Variants in ZNF362 observed in about 807,000 individuals in gnomAD.
ZNF362 encodes rotund homolog.
ZNF362 carries 11 observed loss-of-function variants against 42.9 expected under a neutral mutation model. That is an observed-to-expected ratio of 0.26 (90% confidence interval 0.16 to 0.42). The LOEUF (loss-of-function observed/expected upper bound fraction) is 0.42. Among genes scored for constraint, ZNF362 ranks in the 20% least tolerant of loss-of-function variants. ZNF362 has a pLI of 1.00. For synonymous variants in ZNF362, 255 were observed against 257.3 expected (o/e 0.99, Z 0.09); for missense variants, 362 against 576.2 (o/e 0.63, Z 3.81).
chr1:33,153,791 G>A, the ZNF362 span, among the ~76,000 whole-genome samples: 3 of 152,146 alleles, frequency 2.0e-5, no homozygotes, highest in African/African-American at 7.2e-5. Flanking sequence ...TTTTATTGAG[G>A]CGCTATTCTA....
rs933950451 is a variant in ZNF362 at position 33,276,628 on chromosome 1, G to A, written c.349+34G>A. ...AGCGGGCGGGGCCGGCGGGGCCGGTGAGGACTGGGCAGGAGGGGGCGGGCG... is the reference window on the plus strand; with the variant it reads ...AGCGGGCGGGGCCGGCGGGGCCGGTAAGGACTGGGCAGGAGGGGGCGGGCG... On this transcript the variant is annotated intron_variant, in intron 4 of 8. Transcript: ENST00000539719. 9.2e-6 allele frequency: 12 copies of A among 1,307,562 alleles called. No individual in the cohort carries two copies. In the Admixed American group the frequency reaches 2.1e-4, roughly 23 times the overall value. The allele number at this position is 1,307,562 out of a possible 1,614,324, so 81.0% of individuals were successfully genotyped here. A position where few individuals can be genotyped will look rare whatever the true frequency, so the allele number is the denominator to read the frequency against.
At chr1:33,263,442 G>A (rs939700672) in intron 1 of ZNF362, among the ~76,000 whole-genome samples, 22 of 150,168 alleles carry the variant, frequency 1.5e-4, no homozygotes, top group African/African-American at 4.4e-4. Flanking sequence ...ATGGAGTCTC[G>A]CTCTATCACC....
At chr1:33,257,736 C>A (rs1343540033) in intron 1 of ZNF362, among the ~76,000 whole-genome samples, 2 of 152,156 alleles carry the variant, frequency 1.3e-5, no homozygotes, top group Non-Finnish European at 2.9e-5. Context: ...AGACCCCTGG[C>A]ATGAGGAAAT....
At chr1:33,293,141 G>T (rs1377144005) in intron 6 of ZNF362, among the ~76,000 whole-genome samples, 1 of 152,222 alleles carries the variant, frequency 6.6e-6, no homozygotes, top group South Asian at 2.1e-4. Context: ...AGCCTGTGGG[G>T]TGAGCAGTTC....
the ZNF362 span, among the ~76,000 whole-genome samples, chr1:33,208,499 G>T: frequency 6.6e-6 from 1 of 151,110 alleles, no homozygotes; most frequent in South Asian, 2.2e-4. Context: ...GGATAGCATT[G>T]AAACTATAAA....
the ZNF362 span, chr1:33,181,679 G>T: frequency 1.7e-6 from 1 of 595,080 alleles, no homozygotes; most frequent in Non-Finnish European, 2.8e-6. This position sits in a 1 kb window ranked among gnomAD's most constrained non-coding sequence, Gnocchi z 6.5. Flanking sequence ...AGCTCAAGGC[G>T]ATGGGCGCTG....
the ZNF362 span, among the ~76,000 whole-genome samples, chr1:33,247,928 C>G: frequency 5.9e-5 from 9 of 152,228 alleles, no homozygotes; most frequent in African/African-American, 2.2e-4. Flanking sequence ...GTGCTGGGCA[C>G]TCTCCCTTCT....
At chr1:33,189,964 C>T in the ZNF362 span, among the ~76,000 whole-genome samples, 1 of 151,792 alleles carries the variant, frequency 6.6e-6, no homozygotes, top group African/African-American at 2.4e-5. Context: ...TCCATATCTC[C>T]TTACTTTAAC....
the ZNF362 span, among the ~76,000 whole-genome samples, chr1:33,240,260 G>C: frequency 3.3e-5 from 5 of 152,164 alleles, no homozygotes; most frequent in Admixed American, 2.6e-4. Flanking sequence ...CTGAATTAGT[G>C]ACATACCAAG....
chr1:33,252,642 T>C (rs1045889998), upstream of ZNF362, among the ~76,000 whole-genome samples: 2 of 152,226 alleles, frequency 1.3e-5, no homozygotes, highest in African/African-American at 4.8e-5. Flanking sequence ...AGCTGGGGTC[T>C]TCCTCACTGC....
At chr1:33,296,013 C>T (rs1646120967) in intron 8 of ZNF362, among the ~76,000 whole-genome samples, 1 of 152,216 alleles carries the variant, frequency 6.6e-6, no homozygotes, top group African/African-American at 2.4e-5. Flanking sequence ...CTAAACACTT[C>T]TGCCTGGTGC....
chr1:33,276,198 C>T (rs373070615), intron 3 of ZNF362, 35 bp downstream of exon 3: 13 of 1,609,832 alleles, frequency 8.1e-6, no homozygotes, highest in Admixed American at 1.7e-5. Context: ...CTGCCCTACC[C>T]TCCTTGGCGC....
chr1:33,237,577 T>C, the ZNF362 span, among the ~76,000 whole-genome samples: 150 of 152,360 alleles, frequency 9.8e-4, 1 homozygote, highest in Admixed American at 3.1e-3. Flanking sequence ...TAACATTTAT[T>C]GCGTGCTTAT....
At chr1:33,204,141 A>AT in the ZNF362 span, among the ~76,000 whole-genome samples, 4 of 151,734 alleles carry the variant, frequency 2.6e-5, no homozygotes, top group East Asian at 1.9e-4. Flanking sequence ...TTTTGAGTTG[A>AT]TTTTTTTCTG....
the ZNF362 span, among the ~76,000 whole-genome samples, chr1:33,180,836 C>A: frequency 2.2e-3 from 338 of 151,430 alleles, no homozygotes; most frequent in East Asian, 0.016. Context: ...CCCCCACGGC[C>A]CCGCCATGCG....
At chr1:33,220,777 T>C in the ZNF362 span, among the ~76,000 whole-genome samples, 3 of 152,000 alleles carry the variant, frequency 2.0e-5, no homozygotes, top group Non-Finnish European at 2.9e-5. Flanking sequence ...GAACCCAGAG[T>C]CTTTGGAGCT....
chr1:33,190,242 G>A, the ZNF362 span, among the ~76,000 whole-genome samples: 3 of 152,020 alleles, frequency 2.0e-5, no homozygotes, highest in Admixed American at 1.3e-4. Context: ...CACTGATCTC[G>A]CCCTTAGGAA....
intron 6 of ZNF362, among the ~76,000 whole-genome samples, chr1:33,283,782 T>G (rs1557796078): frequency 6.6e-6 from 1 of 152,242 alleles, no homozygotes; most frequent in Non-Finnish European, 1.5e-5. Flanking sequence ...CTCGTTACCA[T>G]GCCTCCCAAG....
chr1:33,160,880 T>C, the ZNF362 span, among the ~76,000 whole-genome samples: 1 of 152,156 alleles, frequency 6.6e-6, no homozygotes, highest in African/African-American at 2.4e-5. Flanking sequence ...CAAGGACTGG[T>C]GTTTATAGAC....
Sources: allele counts gnomAD v4.1 joint callset (sites outside exome capture counted in the v4.1 genomes callset), GRCh38; gene constraint gnomAD v4.1.1; non-coding constraint Gnocchi (gnomAD v3.1); transcripts MANE v1.5; gene names NCBI Gene and HGNC (gene_info 2026-07-23, HGNC 2026-07-21).